MPDZ: variants seen among roughly 807,000 people sequenced by gnomAD.
MPDZ encodes multiple PDZ domain crumbs cell polarity complex component, also known as multiple PDZ domain protein.
A neutral mutation model predicts 239.1 loss-of-function variants in MPDZ; 234 were observed. The observed-to-expected ratio is 0.98, with a 90% CI of 0.88 to 1.09. MPDZ has a LOEUF of 1.09. MPDZ is among the 50% of genes least tolerant of loss of function. The pLI is 0.00. For synonymous variants in MPDZ, 1,048 were observed against 881.3 expected, an observed-to-expected ratio of 1.19 and a Z score of -3.35; for missense variants, 3,175 against 2,510.0, an observed-to-expected ratio of 1.26 and a Z score of -5.66.
intron 21 of MPDZ, among the ~76,000 whole-genome samples, chr9:13,172,562 T>C (rs1365265674): frequency 6.6e-6 from 1 of 152,064 alleles, no homozygotes; most frequent in Non-Finnish European, 1.5e-5. Context: ...ATTTTTTGTA[T>C]TTTCAGTAGA....
chr9:13,194,675 C>T (rs1343198086), intron 13 of MPDZ, among the ~76,000 whole-genome samples: 1 of 151,986 alleles, frequency 6.6e-6, no homozygotes, highest in African/African-American at 2.4e-5. Flanking sequence ...AACAAACCTG[C>T]ACATTCTGCA....
intron 3 of MPDZ, among the ~76,000 whole-genome samples, chr9:13,244,352 G>A (rs965474913): frequency 1.3e-5 from 2 of 152,164 alleles, no homozygotes; most frequent in African/African-American, 4.8e-5. Context: ...GTAGTGATTA[G>A]CAGTGATGAC....
At chr9:13,166,363 C>T (rs1274849451) in intron 22 of MPDZ, among the ~76,000 whole-genome samples, 2 of 152,112 alleles carry the variant, frequency 1.3e-5, no homozygotes, top group African/African-American at 4.8e-5. Flanking sequence ...CCTGGTCAAC[C>T]TAAATGGCTC....
At chr9:13,115,548 T>A (rs565639468) in intron 39 of MPDZ, among the ~76,000 whole-genome samples, 1 of 152,190 alleles carries the variant, frequency 6.6e-6, no homozygotes, top group Admixed American at 6.5e-5. Context: ...CACCAAGTGT[T>A]TACCTTATCA....
intron 12 of MPDZ, 55 bp from the exon 13 acceptor site, chr9:13,196,285 T>G: frequency 8.2e-7 from 1 of 1,221,860 alleles, no homozygotes; most frequent in Admixed American, 2.0e-5. Context: ...CTCCACATCT[T>G]AACATCCTGT....
Position 13,226,700 on chromosome 9 carries a change from C to T in MPDZ, c.184-2117G>A, listed in dbSNP as rs147451285. On this transcript the variant is annotated intron_variant, in intron 3 of 46. Coordinates refer to ENST00000319217, the MANE Select transcript of MPDZ (RefSeq NM_001378778.1). ...CACTCATTACCACCTGATCCACACC[C>T]TGCTGTCATGAAGCTTTCATCCCAG... Among the ~76,000 whole-genome samples the T allele has an allele frequency of 9.8e-4, 149 of 152,252 alleles. 2 individuals are homozygous for T. The highest frequency in any genetic ancestry group is 3.5e-3 in the African/African-American group (145 of 41,568).
Position 13,126,596 on chromosome 9 carries a change from T to C in MPDZ, c.4558-6A>G, listed in dbSNP as rs563261562. 3.7e-6 allele frequency: 6 copies of C among 1,607,242 alleles called. No homozygotes were observed. The highest frequency in any genetic ancestry group is 2.2e-5 in the East Asian group (1 of 44,688). On this transcript the variant is annotated splice_polypyrimidine_tract_variant and splice_region_variant and intron_variant, in intron 33 of 46. Transcript: ENST00000319217. ...CCGACTTTGAGTCGTCCATCCTAAA[T>C]GGAAACGTAGAAGAATTTGAGTGAT...
intron 3 of MPDZ, among the ~76,000 whole-genome samples, chr9:13,226,923 A>T (rs1960807082): frequency 6.6e-6 from 1 of 152,148 alleles, no homozygotes; most frequent in Admixed American, 6.6e-5. Flanking sequence ...GTATCATCTC[A>T]ATGCTAAGGA....
In MPDZ at chr9:13,183,505, A is replaced by T; in HGVS notation, c.2562T>A (p.Ser854=). The change falls in exon 19 of 47, where the codon TCT becomes TCA. Residue 854 remains serine (S), a synonymous_variant. Coordinates refer to ENST00000319217, the MANE Select transcript of MPDZ (RefSeq NM_001378778.1). ...PYSPENDSIY[S]TQASILSLHG... ...GAAGAGATAAAATAGAGGCTTGAGT[A>T]GAGTAGATGCTGTCATTTTCAGGAG... is the stretch of plus-strand genomic sequence containing the variant. The T allele has an allele frequency of 1.2e-6, 2 of 1,612,538 alleles. No homozygotes were observed. Among genetic ancestry groups the T allele is most frequent in the East Asian group, 4.5e-5 (2 of 44,720 alleles).
intron 27 of MPDZ, among the ~76,000 whole-genome samples, chr9:13,142,862 T>C (rs564084789): frequency 1.3e-5 from 2 of 152,254 alleles, no homozygotes; most frequent in South Asian, 2.1e-4. Context: ...GATCAAATTA[T>C]GGTATATAAA....
chr9:13,180,675 A>G (rs1207045356), intron 19 of MPDZ, among the ~76,000 whole-genome samples: 2 of 152,212 alleles, frequency 1.3e-5, no homozygotes, highest in Non-Finnish European at 1.5e-5. Flanking sequence ...GATTAACCAA[A>G]GAAATCAAAC....
rs181849455 is a variant in MPDZ, at chr9:13,147,257, T to A, written c.3741+291A>T. 3.7e-3 allele frequency among the ~76,000 whole-genome samples: 563 copies of A among 152,156 alleles called. 2 individuals carry two copies. The highest frequency in any genetic ancestry group is 0.013 in the African/African-American group (526 of 41,526). On this transcript the variant is annotated intron_variant, in intron 26 of 46. Coordinates refer to ENST00000319217, the MANE Select transcript of MPDZ (RefSeq NM_001378778.1). ...ATGCCACATTCCTTTTAATAACTTG[T>A]GTATTTTGTGATTAAAATGAATACT...
Position 13,176,161 on chromosome 9 carries a change from G to C in MPDZ, c.2906C>G (p.Ser969Cys), listed in dbSNP as rs760802589. ...CTTTCCAGCTGAATCGGGTAGCACAGAAGGAAGTTCTGCACTTGATATAAC... is the reference window on the plus strand; with the variant it reads ...CTTTCCAGCTGAATCGGGTAGCACACAAGGAAGTTCTGCACTTGATATAAC... ...SEVISSAELPSVLPDSAGKGS... is the reference protein window; with the variant it reads ...SEVISSAELPCVLPDSAGKGS... Residue 969 changes from serine to cysteine, a missense_variant, in exon 20 of 47, where the codon TCT (serine) becomes TGT (cysteine). Coordinates refer to ENST00000319217, the MANE Select transcript of MPDZ (RefSeq NM_001378778.1). 15 of 1,601,374 alleles carry C rather than the reference G, an allele frequency of 9.4e-6. No homozygotes were observed. Among genetic ancestry groups the C allele is most frequent in the Non-Finnish European group, 1.3e-5 (15 of 1,172,992 alleles).
intron 10 of MPDZ, among the ~76,000 whole-genome samples, chr9:13,214,778 A>G (rs1958076461): frequency 6.6e-6 from 1 of 152,054 alleles, no homozygotes; most frequent in African/African-American, 2.4e-5. Context: ...TTGTATGGTA[A>G]AATGGAGATA....
chr9:13,150,538 G>A lies in MPDZ; in HGVS notation c.3603C>T (p.Thr1201=). The change falls in exon 25 of 47, where the codon ACC becomes ACT. Residue 1201 remains threonine, a synonymous_variant. Transcript: ENST00000319217. ...CTACGATTCTATCTCCAGGTTTCAA[G>A]GTTCCATTTTTGCCAGCTGGACTAT... ...LEDSPAGKNG[T]LKPGDRIVEV... is the part of the protein sequence containing the mutation. 6.4e-7 allele frequency: 1 copy of A among 1,574,460 alleles called. No homozygotes were observed. The highest frequency in any genetic ancestry group is 8.6e-7 in the Non-Finnish European group (1 of 1,158,636).
chr9:13,122,410 T>C (rs1445816660), intron 36 of MPDZ, among the ~76,000 whole-genome samples: 1 of 151,948 alleles, frequency 6.6e-6, no homozygotes, highest in African/African-American at 2.4e-5. Flanking sequence ...AACTATAAAA[T>C]AAAACATGCA....
At position 13,124,935 on chromosome 9, in the gene MPDZ, C is replaced by G. The variant is rs1289524970; in HGVS notation, c.4807+281G>C. On this transcript the variant is annotated intron_variant, in intron 35 of 46. Coordinates refer to ENST00000319217, the MANE Select transcript of MPDZ (RefSeq NM_001378778.1). ...ATATATTTTTGGAGAGCAAAGAATACTATTCCCTTGTTTTAGAGATGAAGA... is the reference window on the plus strand; with the variant it reads ...ATATATTTTTGGAGAGCAAAGAATAGTATTCCCTTGTTTTAGAGATGAAGA... Among the ~76,000 whole-genome samples the G allele has an allele frequency of 2.0e-5, 3 of 152,126 alleles. No individual in the cohort carries two copies. The East Asian group carries it at 5.8e-4, about 29-fold the overall frequency.
intron 3 of MPDZ, among the ~76,000 whole-genome samples, chr9:13,239,468 A>C (rs1964855892): frequency 6.6e-6 from 1 of 152,170 alleles, no homozygotes; most frequent in African/African-American, 2.4e-5. Context: ...AGTTCTGGGC[A>C]CACAGTAAGA....
chr9:13,228,959 T>C (rs1961528006), intron 3 of MPDZ, among the ~76,000 whole-genome samples: 1 of 152,150 alleles, frequency 6.6e-6, no homozygotes, highest in African/African-American at 2.4e-5. Flanking sequence ...CATCTCTGAA[T>C]AGACAACTGT....
Sources: allele counts gnomAD v4.1 joint callset (sites outside exome capture counted in the v4.1 genomes callset), GRCh38; gene constraint gnomAD v4.1.1; transcripts MANE v1.5; gene names NCBI Gene and HGNC (gene_info 2026-07-23, HGNC 2026-07-21).